The following TRPM4 variants were observed in gnomAD, a reference collection of about 807,000 sequenced individuals.
The protein encoded by TRPM4 is calcium-activated non-selective cation channel 1.
In TRPM4, 124 loss-of-function variants were observed where a neutral mutation model predicts 135.6. The ratio of observed to expected loss-of-function variants is 0.91; its 90% CI spans 0.79 to 1.06. The LOEUF (loss-of-function observed/expected upper bound fraction) is 1.06, where lower values mean the gene tolerates loss of function less well. TRPM4 is among the 50% of genes least tolerant of loss of function. The probability of loss-of-function intolerance (pLI) is 0.00; values close to 1 mark genes in which losing one functional copy is unlikely to be tolerated. For synonymous variants in TRPM4, 745 were observed against 705.6 expected (o/e 1.06, Z -0.88); for missense variants, 1,658 against 1,671.4 (o/e 0.99, Z 0.14).
intron 20 of TRPM4, among the ~76,000 whole-genome samples, chr19:49,203,413 T>C (rs1969025762): frequency 1.3e-5 from 2 of 152,078 alleles, no homozygotes; most frequent in Admixed American, 1.3e-4. Flanking sequence ...TCTCCTGACC[T>C]TGTGATCCGC....
rs1305256309 is a variant in TRPM4, at chr19:49,167,070, ATCTCTCTGGGTCTCTGTCCCTC to A, written c.268-784_268-763del. ...CCCTTTACTCTGGGTTTCTGTCCCC[ATCTCTCTGGGTCTCTGTCCCTC>A]TCTCTCTGGGTCTCTGTCCCTCTCT... On this transcript the variant is annotated intron_variant, in intron 3 of 24. Coordinates refer to ENST00000252826, the MANE Select transcript of TRPM4 (RefSeq NM_017636.4). Among the ~76,000 whole-genome samples the A allele has an allele frequency of 3.9e-3, 336 of 85,724 alleles. 3 individuals are homozygous for A. The highest frequency in any genetic ancestry group is 0.011 in the African/African-American group (224 of 21,226). 56.2% of individuals were successfully genotyped at this position (85,724 alleles called of 152,430 possible).
At chr19:49,182,057 T>C (rs1411330748) in intron 10 of TRPM4, among the ~76,000 whole-genome samples, 3 of 130,280 alleles carry the variant, frequency 2.3e-5, no homozygotes, top group South Asian at 5.3e-4. Flanking sequence ...TCCATCCATT[T>C]ATCCATCCAT....
intron 2 of TRPM4, among the ~76,000 whole-genome samples, chr19:49,165,709 T>C (rs1477615529): frequency 6.6e-6 from 1 of 152,134 alleles, no homozygotes; most frequent in African/African-American, 2.4e-5. Flanking sequence ...TTGAACGTCA[T>C]GTGTTTGGAT....
In TRPM4 at chr19:49,171,272, G is replaced by C. The variant is rs201341162; in HGVS notation, c.797-85G>C. 1 of 1,435,716 alleles carries C rather than the reference G, an allele frequency of 7.0e-7. No homozygotes were observed. The highest frequency in any genetic ancestry group is 9.8e-7 in the Non-Finnish European group (1 of 1,017,652). 88.9% of individuals were successfully genotyped at this position (1,435,716 alleles called of 1,614,324 possible). On this transcript the variant is annotated intron_variant, in intron 6 of 24. Coordinates refer to ENST00000252826, the MANE Select transcript of TRPM4 (RefSeq NM_017636.4). This position sits in a 1 kb window ranked among gnomAD's most constrained non-coding sequence, Gnocchi z 4.7. ...GAAGATTAGGACAAGGCTGATGTTT[G>C]CCGACTCCTGGGAAATGCGGTTTTC...
intron 11 of TRPM4, 78 bp downstream of exon 11, chr19:49,183,000 G>A: frequency 6.2e-7 from 1 of 1,601,418 alleles, no homozygotes. Context: ...GATGGGGCGT[G>A]GCCAAACCAG....
In TRPM4 at chr19:49,171,326, G is replaced by A. The variant is rs764449383; in HGVS notation, c.797-31G>A. The A allele has an allele frequency of 5.6e-6, 9 of 1,613,658 alleles. No individual in the cohort carries two copies. In the Admixed American group the frequency reaches 1.0e-4, roughly 18 times the overall value. On this transcript the variant is annotated intron_variant, in intron 6 of 24. Transcript: ENST00000252826. This position sits in a 1 kb window ranked among gnomAD's most constrained non-coding sequence, Gnocchi z 4.7. The stretch of plus-strand genomic sequence containing the variant: ...TATCTCCAGCAAAGGCTGATGGGAG[G>A]TAATCAAGCCCCCTTCTCTTCTTGC...
chr19:49,195,282 T>A (rs1237250999), intron 16 of TRPM4, among the ~76,000 whole-genome samples: 1 of 152,224 alleles, frequency 6.6e-6, no homozygotes. Flanking sequence ...AGGCCACCAT[T>A]CATGTACCTG....
chr19:49,157,896 C>T lies in TRPM4; in HGVS notation c.24+6C>T. 1.3e-6 allele frequency: 2 copies of T among 1,535,054 alleles called. No individual in the cohort carries two copies. The highest frequency in any genetic ancestry group is 2.4e-5 in the South Asian group (2 of 83,940). On this transcript the variant is annotated splice_donor_region_variant and intron_variant, in intron 1 of 24. Transcript: ENST00000252826. ...TGGTGCCGGAGAAGGAGCAGGTGAG[C>T]GCCGGACCAGGGTCTGCGGGAGCGC...
At position 49,210,401 on chromosome 19, in the gene TRPM4, T is replaced by A. The variant is rs1969307859; in HGVS notation, c.3324T>A (p.His1108Gln). 6.2e-7 allele frequency: 1 copy of A among 1,613,376 alleles called. No individual in the cohort carries two copies. Among genetic ancestry groups the A allele is most frequent in the Admixed American group, 1.7e-5 (1 of 60,012 alleles). Residue 1108 changes from histidine to glutamine, a missense_variant, in exon 21 of 25, where the codon CAT becomes CAA. This residue lies in a region of TRPM4 where 1,412 missense variants were observed against 1,408.7 expected (regional missense o/e 1.00). Coordinates refer to ENST00000252826, the MANE Select transcript of TRPM4 (RefSeq NM_017636.4). This position sits in a 1 kb window ranked among gnomAD's most constrained non-coding sequence, Gnocchi z 4.1. The stretch of plus-strand genomic sequence containing the variant: ...AGCCGTCCTCCCCGGCCCTCGAGCA[T>A]TTCCGTAAGAACAGAGCTTGGCTTA... ...SPQPSSPALE[H>Q]FRVYLSKEAE...
intron 10 of TRPM4, among the ~76,000 whole-genome samples, chr19:49,182,237 T>TACCTATCCATTC (rs1568470573): frequency 9.6e-5 from 12 of 124,800 alleles, no homozygotes; most frequent in South Asian, 2.7e-4. Context: ...TCCATCCATC[T>TACCTATCCATTC]ATCCATCCAT....
intron 12 of TRPM4, among the ~76,000 whole-genome samples, chr19:49,186,821 TGA>T (rs1413125962): frequency 2.7e-5 from 4 of 150,414 alleles, no homozygotes; most frequent in Non-Finnish European, 5.9e-5. Flanking sequence ...TGTGGTGGGC[TGA>T]GATTGCAGCA....
Position 49,183,062 on chromosome 19 carries a change from C to G in TRPM4, c.1609-16C>G. 1 of 1,610,892 alleles carries G rather than the reference C, an allele frequency of 6.2e-7. No individual in the cohort carries two copies. The highest frequency in any genetic ancestry group is 8.5e-7 in the Non-Finnish European group (1 of 1,179,992). ...GGGGAGGGGCTGGTCCTCACCACCC[C>G]TCCTTTTGCTGGCAGATGTATCTGC... On this transcript the variant is annotated splice_polypyrimidine_tract_variant and intron_variant, in intron 11 of 24. Transcript: ENST00000252826.
Position 49,196,804 on chromosome 19 carries a change from T to C in TRPM4, c.2575T>C (p.Tyr859His), listed in dbSNP as rs1410816344. 2 of 1,585,312 alleles carry C rather than the reference T, an allele frequency of 1.3e-6. No individual in the cohort carries two copies. The highest frequency in any genetic ancestry group is 1.1e-5 in the South Asian group (1 of 88,352). The change falls in exon 17 of 25, where the codon TAC (tyrosine) becomes CAC (histidine). Residue 859 changes from tyrosine (Y) to histidine (H), a missense_variant. This residue lies in a region of TRPM4 where 1,412 missense variants were observed against 1,408.7 expected (regional missense o/e 1.00). Coordinates refer to ENST00000252826, the MANE Select transcript of TRPM4 (RefSeq NM_017636.4). ...HASLSQRLRL[Y>H]LADSWNQCDL... The stretch of plus-strand genomic sequence containing the variant: ...CTCACTGAGCCAGCGCCTGCGCCTC[T>C]ACCTCGCCGACAGCTGGAACCAGTG...
intron 6 of TRPM4, 38 bp downstream of exon 6, chr19:49,168,774 A>G (rs918534478): frequency 5.8e-6 from 9 of 1,557,076 alleles, no homozygotes; most frequent in Middle Eastern, 3.4e-4. Flanking sequence ...CCCACGACCC[A>G]CAACCTGCAA....
rs553217189 is a variant in TRPM4, at chr19:49,194,637, C to G, written c.2211-1803C>G. On this transcript the variant is annotated intron_variant, in intron 16 of 24. Transcript: ENST00000252826. ...TTCCTTCCTTTCTTTCCTTCCCTTT[C>G]TTTCTCTCTCTCTTTCTCTCTCTGT... 2.3e-5 allele frequency among the ~76,000 whole-genome samples: 3 copies of G among 131,150 alleles called. No homozygotes were observed. In the East Asian group the frequency reaches 6.5e-4, roughly 28 times the overall value. The allele number at this position is 131,150 out of a possible 152,430, so 86.0% of individuals were successfully genotyped here. A position where few individuals can be genotyped will look rare whatever the true frequency, so the allele number is the denominator to read the frequency against.
In TRPM4 at chr19:49,197,308, T is replaced by TTCTTTC. The variant is rs1161813900; in HGVS notation, c.2645+435_2645+436insCTTTCT. ...TCTTTCTTTCTTTCTCTTTCTTTCT[T>TTCTTTC]TTTCTTTCTTTCTTTCTTTCTTTCT... On this transcript the variant is annotated intron_variant, in intron 17 of 24. Coordinates refer to ENST00000252826, the MANE Select transcript of TRPM4 (RefSeq NM_017636.4). 7.8e-4 allele frequency among the ~76,000 whole-genome samples: 96 copies of TTCTTTC among 122,324 alleles called. 1 individual carries two copies. Among genetic ancestry groups the TTCTTTC allele is most frequent in the African/African-American group, 3.1e-3 (89 of 28,802 alleles). 80.2% of individuals were successfully genotyped at this position (122,324 alleles called of 152,430 possible). A position where few individuals can be genotyped will look rare whatever the true frequency, so the allele number is the denominator to read the frequency against.
At chr19:49,158,723 G>A (rs1443208404) in intron 2 of TRPM4, 1 of 174,596 alleles carries the variant, frequency 5.7e-6, no homozygotes, top group Non-Finnish European at 1.2e-5. Flanking sequence ...CGTGCTGTGT[G>A]GCTTCGGGCA....
chr19:49,189,201 C>T (rs962386908), intron 14 of TRPM4, 110 bp downstream of exon 14: 2 of 1,469,284 alleles, frequency 1.4e-6, no homozygotes, highest in Non-Finnish European at 1.9e-6. Context: ...AGCCACTCTC[C>T]CTGGAGATCC....
At chr19:49,160,213 G>C (rs553125807) in intron 2 of TRPM4, among the ~76,000 whole-genome samples, 2 of 152,212 alleles carry the variant, frequency 1.3e-5, no homozygotes, top group African/African-American at 4.8e-5. Flanking sequence ...ATTTGGGGCC[G>C]GGCATTGTGG....
Sources: allele counts gnomAD v4.1 joint callset (sites outside exome capture counted in the v4.1 genomes callset), GRCh38; gene constraint gnomAD v4.1.1; regional missense constraint gnomAD v4.1.1; non-coding constraint Gnocchi (gnomAD v3.1); transcripts MANE v1.5; gene names NCBI Gene and HGNC (gene_info 2026-07-23, HGNC 2026-07-21).